Variants in ADAM23 observed in about 807,000 individuals in gnomAD.
ADAM23 encodes the protein disintegrin and metalloproteinase domain-containing protein 23.
ADAM23 carries 33 observed loss-of-function variants against 120.1 expected under a neutral mutation model. That is an observed-to-expected ratio of 0.27 (90% CI 0.21 to 0.37). The LOEUF is 0.37. ADAM23 is among the 10% of genes least tolerant of loss of function. The pLI is 1.00. For missense variants in ADAM23, 862 were observed against 1,058.2 expected, an observed-to-expected ratio of 0.81 and a Z score of 2.57; for synonymous variants, 367 against 375.2, an observed-to-expected ratio of 0.98 and a Z score of 0.25.
intron 23 of ADAM23, 125 bp from the exon 24 acceptor site, chr2:206,595,926 A>C (rs1434407560): frequency 1.5e-6 from 1 of 685,416 alleles, no homozygotes; most frequent in East Asian, 2.8e-5. Context: ...ACCATGGGAA[A>C]CTTTAAAAAG....
chr2:206,471,841 A>G (rs1695665731), intron 2 of ADAM23, among the ~76,000 whole-genome samples: 1 of 152,276 alleles, frequency 6.6e-6, no homozygotes, highest in Admixed American at 6.5e-5. Flanking sequence ...AGAAGCTTCC[A>G]TGGTAACTGT....
intron 9 of ADAM23, among the ~76,000 whole-genome samples, chr2:206,556,079 G>T (rs562177548): frequency 1.4e-4 from 22 of 152,156 alleles, no homozygotes; most frequent in African/African-American, 5.3e-4. Context: ...TACTTTAAAA[G>T]AACACAAATA....
chr2:206,533,788 A>ATT, intron 4 of ADAM23, among the ~76,000 whole-genome samples: 1 of 152,164 alleles, frequency 6.6e-6, no homozygotes, highest in Middle Eastern at 3.2e-3. Flanking sequence ...CATGGGTTAA[A>ATT]AGTGCTTCTT....
intron 3 of ADAM23, among the ~76,000 whole-genome samples, chr2:206,513,161 A>G (rs1229625915): frequency 2.0e-5 from 3 of 152,168 alleles, no homozygotes; most frequent in African/African-American, 7.2e-5. Flanking sequence ...GAAGAGTCAC[A>G]TGTCTCTCAC....
chr2:206,584,931 C>T (rs889160700), intron 18 of ADAM23, among the ~76,000 whole-genome samples: 18 of 152,108 alleles, frequency 1.2e-4, no homozygotes, highest in African/African-American at 3.9e-4. Flanking sequence ...CTTCCTCTAC[C>T]CCTGTATTTG....
intron 3 of ADAM23, among the ~76,000 whole-genome samples, chr2:206,516,013 T>C (rs1696722068): frequency 6.6e-6 from 1 of 152,094 alleles, no homozygotes; most frequent in African/African-American, 2.4e-5. Context: ...ATGAAAATTA[T>C]GAAATGTACA....
At chr2:206,557,245 A>G (rs1473208389) in intron 9 of ADAM23, among the ~76,000 whole-genome samples, 182 bp from the exon 10 acceptor site, 3 of 152,170 alleles carry the variant, frequency 2.0e-5, no homozygotes, top group Admixed American at 6.5e-5. Context: ...CATGTTTTAG[A>G]TAGTCAGAGT....
intron 24 of ADAM23, among the ~76,000 whole-genome samples, chr2:206,599,195 A>G (rs959667755): frequency 6.8e-6 from 1 of 147,906 alleles, no homozygotes; most frequent in African/African-American, 2.5e-5. Flanking sequence ...ACAGAGCGAG[A>G]TTCCATCTCA....
intron 9 of ADAM23, 148 bp from the exon 10 acceptor site, chr2:206,557,279 C>A: frequency 1.6e-6 from 1 of 644,018 alleles, no homozygotes; most frequent in Non-Finnish European, 2.7e-6. Flanking sequence ...AGAGAAGTAA[C>A]ACCACCAAAT....
intron 9 of ADAM23, among the ~76,000 whole-genome samples, chr2:206,555,636 TCA>T (rs1469745225): frequency 6.6e-6 from 1 of 152,240 alleles, no homozygotes; most frequent in African/African-American, 2.4e-5. Context: ...TTAAAATACC[TCA>T]TTTTATTAAT....
chr2:206,455,052 C>T (rs913147624), intron 2 of ADAM23, among the ~76,000 whole-genome samples: 1 of 152,254 alleles, frequency 6.6e-6, no homozygotes, highest in Non-Finnish European at 1.5e-5. Context: ...TGTATGGAAG[C>T]TCCAACCAAA....
intron 3 of ADAM23, 25 bp from the exon 4 acceptor site, chr2:206,530,860 T>A: frequency 6.2e-7 from 1 of 1,605,680 alleles, no homozygotes. Flanking sequence ...GATGCAGAAA[T>A]CACTCTATTT....
intron 3 of ADAM23, among the ~76,000 whole-genome samples, chr2:206,501,125 C>T (rs974015053): frequency 5.9e-5 from 9 of 151,776 alleles, no homozygotes; most frequent in African/African-American, 1.9e-4. Flanking sequence ...GTATTTGTTT[C>T]CTGTTTCCAA....
At chr2:206,468,402 ATCCTAAATCATCTCTCTCAAGT>A (rs1695585122) in intron 2 of ADAM23, among the ~76,000 whole-genome samples, 1 of 152,176 alleles carries the variant, frequency 6.6e-6, no homozygotes, top group African/African-American at 2.4e-5. Flanking sequence ...TCTACTAGAT[ATCCTAAATCATCTCTCTCAAGT>A]TCAAAGTTCC....
chr2:206,488,113 C>T (rs561369929), intron 3 of ADAM23, among the ~76,000 whole-genome samples: 1 of 152,378 alleles, frequency 6.6e-6, no homozygotes, highest in African/African-American at 2.4e-5. Flanking sequence ...CAGACAGCTA[C>T]ACTGATATAG....
intron 9 of ADAM23, 51 bp downstream of exon 9, chr2:206,550,211 G>GA (rs765279825): frequency 2.6e-6 from 3 of 1,147,822 alleles, no homozygotes; most frequent in Non-Finnish European, 1.2e-6. Flanking sequence ...ACTTAAGAAA[G>GA]AATACATTTT....
intron 24 of ADAM23, 58 bp downstream of exon 24, chr2:206,596,220 T>A: frequency 7.8e-7 from 1 of 1,281,282 alleles, no homozygotes; most frequent in Non-Finnish European, 1.1e-6. Context: ...ACTGTTCCAA[T>A]GCACCAGTAT....
intron 6 of ADAM23, among the ~76,000 whole-genome samples, chr2:206,544,783 T>G (rs2105809191): frequency 6.6e-6 from 1 of 152,154 alleles, no homozygotes; most frequent in Middle Eastern, 3.4e-3. Context: ...CAGCTAATTT[T>G]TTGTATTTTT....
chr2:206,471,753 A>G (rs1695664333), intron 2 of ADAM23, among the ~76,000 whole-genome samples: 2 of 152,118 alleles, frequency 1.3e-5, no homozygotes, highest in African/African-American at 4.8e-5. Flanking sequence ...GACGAGGAAA[A>G]AGAACAAGGT....
Sources: gnomAD v4.1 joint callset for allele counts (sites outside exome capture counted in the v4.1 genomes callset) on GRCh38, gnomAD v4.1.1 for gene constraint, MANE v1.5 for transcripts, NCBI Gene and HGNC (gene_info 2026-07-23, HGNC 2026-07-21) for gene names.